ZNF14: variants seen among roughly 807,000 people sequenced by gnomAD.
ZNF14 encodes gonadotropin inducible transcription repressor-4.
ZNF14 carries 9 observed loss-of-function variants against 11.3 expected under a neutral mutation model. That is an observed-to-expected ratio of 0.80 (90% CI 0.48 to 1.39). The LOEUF (loss-of-function observed/expected upper bound fraction) is 1.39. Ranked by LOEUF, ZNF14 falls within the 40% of genes most tolerant of loss-of-function variation. ZNF14 has a pLI of 0.00. For synonymous variants in ZNF14, 239 were observed against 245.7 expected (o/e 0.97, Z 0.25); for missense variants, 711 against 763.9 (o/e 0.93, Z 0.82).
chr19:19,715,029 C>G (rs766785197), intron 1 of ZNF14, among the ~76,000 whole-genome samples: 2 of 152,114 alleles, frequency 1.3e-5, no homozygotes, highest in African/African-American at 2.4e-5. Context: ...TAAATTTTTA[C>G]TGTGATCATG....
At chr19:19,722,242 A>G (rs953329168) in intron 1 of ZNF14, among the ~76,000 whole-genome samples, 8 of 152,198 alleles carry the variant, frequency 5.3e-5, no homozygotes, top group Non-Finnish European at 1.2e-4. Flanking sequence ...TTTCTCCAAG[A>G]TCACCTTTAG....
rs978698527 is a variant in ZNF14, at chr19:19,720,410, G to A, written c.4-5923C>T. On this transcript the variant is annotated intron_variant, in intron 1 of 3. Transcript: ENST00000344099. The surrounding 1 kb of genome is among the most constrained non-coding windows in gnomAD (Gnocchi z 4.1). ...GGCTGGAGTGCAATGACACAACCTC[G>A]GGTCACTGCAACCTCTGCTTCCTGG... Among the ~76,000 whole-genome samples the A allele has an allele frequency of 2.7e-5, 4 of 149,890 alleles. No homozygotes were observed. The highest frequency in any genetic ancestry group is 4.9e-5 in the African/African-American group (2 of 40,694).
At chr19:19,728,530 A>AAC (rs1555762582) in intron 1 of ZNF14, among the ~76,000 whole-genome samples, 1 of 129,716 alleles carries the variant, frequency 7.7e-6, no homozygotes, top group Non-Finnish European at 1.7e-5. Context: ...AAAAAAAAAA[A>AAC]AAAAAACATA....
Position 19,711,854 on chromosome 19 carries a change from T to C in ZNF14, c.1427A>G (p.Glu476Gly). Residue 476 changes from glutamate (E) to glycine (G), a missense_variant, in exon 4 of 4, where the codon GAA (glutamate) becomes GGA (glycine). Coordinates refer to ENST00000344099, the MANE Select transcript of ZNF14 (RefSeq NM_021030.3). ...GAAAACTTTTCCACACTGTTTACATTCATAGGGTTTCTCTCCAGTGTGTGA... is the reference window on the plus strand; with the variant it reads ...GAAAACTTTTCCACACTGTTTACATCCATAGGGTTTCTCTCCAGTGTGTGA... ...ERSHTGEKPY[E>G]CKQCGKVFIR... The C allele has an allele frequency of 6.2e-7, 1 of 1,614,026 alleles. No homozygotes were observed. The highest frequency in any genetic ancestry group is 8.5e-7 in the Non-Finnish European group (1 of 1,179,968).
Position 19,712,179 on chromosome 19 carries a change from A to G in ZNF14, c.1102T>C (p.Cys368Arg). ...IGEKPYECKR[C>R]GKSFSWSISL... ...ATGGACCAACTGAATGATTTGCCAC[A>G]TCGTTTACATTCATATGGTTTTTCT... The change falls in exon 4 of 4, where the codon TGT (cysteine) becomes CGT (arginine). Residue 368 changes from cysteine (C) to arginine (R), a missense_variant. Coordinates refer to ENST00000344099, the MANE Select transcript of ZNF14 (RefSeq NM_021030.3). 1 of 1,614,064 alleles carries G rather than the reference A, an allele frequency of 6.2e-7. No individual in the cohort carries two copies. The highest frequency in any genetic ancestry group is 8.5e-7 in the Non-Finnish European group (1 of 1,179,996).
intron 1 of ZNF14, among the ~76,000 whole-genome samples, chr19:19,728,544 T>TGGAA (rs1254011467): frequency 8.3e-6 from 1 of 120,484 alleles, no homozygotes; most frequent in Non-Finnish European, 1.8e-5. Flanking sequence ...AAACATATAC[T>TGGAA]GGAAGAACTA....
rs1050363974 is a variant in ZNF14, at chr19:19,733,028, A to G, written c.-70T>C. The G allele has an allele frequency of 4.4e-6, 7 of 1,592,000 alleles. No homozygotes were observed. The African/African-American group carries it at 9.4e-5, about 21-fold the overall frequency. Reference sequence around the variant, plus strand: ...CAGTACCTGCAGGTCACGGCGCGACAAAGGATGCGCTAGAGCCACCTTCGG... The same window carrying G: ...CAGTACCTGCAGGTCACGGCGCGACGAAGGATGCGCTAGAGCCACCTTCGG... On this transcript the variant is annotated 5_prime_UTR_variant, in exon 1 of 4. Transcript: ENST00000344099.
chr19:19,718,690 A>C (rs2062384306), intron 1 of ZNF14, among the ~76,000 whole-genome samples: 1 of 152,226 alleles, frequency 6.6e-6, no homozygotes, highest in South Asian at 2.1e-4. Flanking sequence ...GAGAAAATTA[A>C]AAGACAAAGA....
Position 19,711,869 on chromosome 19 carries a change from C to T in ZNF14, c.1412G>A (p.Gly471Glu). ...CTGTTTACATTCATAGGGTTTCTCT[C>T]CAGTGTGTGACCTTTCATGAATTCG... is the stretch of plus-strand genomic sequence containing the variant. ...YFRIHERSHT[G>E]EKPYECKQCG... The change falls in exon 4 of 4, where the codon GGA becomes GAA. Residue 471 changes from glycine (G) to glutamate (E), a missense_variant. By Grantham distance (98) the Gly-to-Glu change is moderately conservative (BLOSUM62 -2). Transcript: ENST00000344099. 1.9e-6 allele frequency: 3 copies of T among 1,614,046 alleles called. No homozygotes were observed. Among genetic ancestry groups the T allele is most frequent in the South Asian group, 2.2e-5 (2 of 91,070 alleles).
At chr19:19,717,225 C>T (rs188426516) in intron 1 of ZNF14, among the ~76,000 whole-genome samples, 1 of 152,232 alleles carries the variant, frequency 6.6e-6, no homozygotes, top group East Asian at 1.9e-4. Flanking sequence ...CAGTAATTCA[C>T]TAGGGCCTCC....
Position 19,714,167 on chromosome 19 carries a change from A to G in ZNF14, c.131-16T>C. ...CACTTTTTTCCTAAAATGCATACCCAGAAAGACCATTAAAAATTATTAGAA... is the reference window on the plus strand; with the variant it reads ...CACTTTTTTCCTAAAATGCATACCCGGAAAGACCATTAAAAATTATTAGAA... On this transcript the variant is annotated splice_polypyrimidine_tract_variant and intron_variant, in intron 2 of 3. Transcript: ENST00000344099. 1.9e-6 allele frequency: 3 copies of G among 1,610,328 alleles called. No individual in the cohort carries two copies. The highest frequency in any genetic ancestry group is 2.5e-6 in the Non-Finnish European group (3 of 1,178,600).
intron 1 of ZNF14, among the ~76,000 whole-genome samples, chr19:19,729,495 T>C (rs1000796363): frequency 5.9e-5 from 9 of 151,954 alleles, no homozygotes; most frequent in Admixed American, 4.6e-4. Flanking sequence ...TTTTGTATTT[T>C]CAGGAGAGAC....
intron 1 of ZNF14, among the ~76,000 whole-genome samples, chr19:19,730,654 T>C (rs2062420690): frequency 6.6e-6 from 1 of 152,210 alleles, no homozygotes; most frequent in South Asian, 2.1e-4. Context: ...GGCTCATGCC[T>C]GTAATCCCAG....
chr19:19,712,724 C>A lies in ZNF14; in HGVS notation c.557G>T (p.Arg186Ile). Reference sequence around the variant, plus strand: ...CTGTCCAGCATGAGTCCTTTCATGTCTTTGAAATGGCTGGTAATATATAAA... The same window carrying A: ...CTGTCCAGCATGAGTCCTTTCATGTATTTGAAATGGCTGGTAATATATAAA... ...KAFIYYQPFQRHERTHAGQKP... is the reference protein window; with the variant it reads ...KAFIYYQPFQIHERTHAGQKP... The change falls in exon 4 of 4, where the codon AGA becomes ATA. Residue 186 changes from arginine to isoleucine, a missense_variant. Transcript: ENST00000344099. 6.2e-7 allele frequency: 1 copy of A among 1,613,096 alleles called. No homozygotes were observed. The highest frequency in any genetic ancestry group is 1.3e-5 in the African/African-American group (1 of 74,902).
Position 19,726,463 on chromosome 19 carries a change from G to A in ZNF14, c.3+6493C>T, listed in dbSNP as rs1383418843. 3.7e-5 allele frequency among the ~76,000 whole-genome samples: 5 copies of A among 133,592 alleles called. 1 individual carries two copies. The highest frequency in any genetic ancestry group is 1.4e-4 in the African/African-American group (5 of 36,068). 87.6% of individuals were successfully genotyped at this position (133,592 alleles called of 152,430 possible). A position where few individuals can be genotyped will look rare whatever the true frequency, so the allele number is the denominator to read the frequency against. On this transcript the variant is annotated intron_variant, in intron 1 of 3. Transcript: ENST00000344099. ...CCTCTTGAAGCTTCGTCTCAGAGGG[G>A]CACCCGGCTGTATGAGGTGTCAGTT...
Position 19,712,291 on chromosome 19 carries a change from A to G in ZNF14, c.990T>C (p.Thr330=), listed in dbSNP as rs770527280. 1.9e-6 allele frequency: 3 copies of G among 1,614,032 alleles called. No homozygotes were observed. In the South Asian group the frequency reaches 3.3e-5, roughly 18 times the overall value. ...CTTTACATTTATAAGGTCGAGCCCC[A>G]GTGTGTATTATTACATGTGCTCGAA... ...ASFRAHVIIH[T]GARPYKCKEC... Residue 330 remains threonine (T), a synonymous_variant, in exon 4 of 4, where the codon ACT becomes ACC. Coordinates refer to ENST00000344099, the MANE Select transcript of ZNF14 (RefSeq NM_021030.3).
At chr19:19,714,898 C>T (rs890006445) in intron 1 of ZNF14, among the ~76,000 whole-genome samples, 15 of 151,568 alleles carry the variant, frequency 9.9e-5, no homozygotes, top group East Asian at 3.9e-4. Context: ...TTAGTAGAGA[C>T]GGGGTTTCAC....
rs1214999986 is a variant in ZNF14 at position 19,715,612 on chromosome 19, A to G, written c.4-1125T>C. Among the ~76,000 whole-genome samples, 7 of 152,228 alleles carry G rather than the reference A, an allele frequency of 4.6e-5. No homozygotes were observed. The East Asian group carries it at 1.3e-3, about 29-fold the overall frequency. On this transcript the variant is annotated intron_variant, in intron 1 of 3. Transcript: ENST00000344099. ...ACTTCTTACTTTTCAAGGAACGACA[A>G]CATGTTTTACGACTTGAGATTATCT...
chr19:19,726,562 G>A lies in ZNF14; in HGVS notation c.3+6394C>T, dbSNP rs570673883. ...ACCCATTTGAGGAGGCAGTCTGTCC[G>A]TTCTCAGATCTCAAAATCCATGCTG... On this transcript the variant is annotated intron_variant, in intron 1 of 3. Coordinates refer to ENST00000344099, the MANE Select transcript of ZNF14 (RefSeq NM_021030.3). 6.8e-5 allele frequency among the ~76,000 whole-genome samples: 9 copies of A among 132,730 alleles called. 3 individuals carry two copies. The highest frequency in any genetic ancestry group is 2.1e-4 in the East Asian group (1 of 4,732). The allele number at this position is 132,730 out of a possible 152,430, so 87.1% of individuals were successfully genotyped here.
Sources: gnomAD v4.1 joint callset for allele counts (sites outside exome capture counted in the v4.1 genomes callset) on GRCh38, gnomAD v4.1.1 for gene constraint, Gnocchi (gnomAD v3.1) non-coding constraint, MANE v1.5 for transcripts, NCBI Gene and HGNC (gene_info 2026-07-23, HGNC 2026-07-21) for gene names.